The following LGALS12 variants were observed in gnomAD, a reference collection of about 807,000 sequenced individuals.
LGALS12 encodes galectin-12.
LGALS12 carries 36 observed loss-of-function variants against 36.8 expected under a neutral mutation model. The ratio of observed to expected loss-of-function variants is 0.98; its 90% CI spans 0.75 to 1.29. The LOEUF (loss-of-function observed/expected upper bound fraction) is 1.29. LGALS12 is among the 50% of genes most tolerant of loss of function. The pLI is 0.00. For synonymous variants in LGALS12, 145 were observed against 155.9 expected (o/e 0.93, Z 0.52); for missense variants, 366 against 394.3 (o/e 0.93, Z 0.61).
At chr11:63,506,996 A>G (rs1211124424) in intron 1 of LGALS12, among the ~76,000 whole-genome samples, 1 of 152,216 alleles carries the variant, frequency 6.6e-6, no homozygotes, top group Non-Finnish European at 1.5e-5. Flanking sequence ...AATGATTTAC[A>G]GAAGGCTGAA....
At position 63,516,745 on chromosome 11, in the gene LGALS12, G is replaced by A; in HGVS notation, c.*352G>A. ...TATTCTTTATTATTTATTTATTTGT[G>A]GTCAAATAAATAAATAAGGTTATTT... On this transcript the variant is annotated 3_prime_UTR_variant, in exon 9 of 9. Coordinates refer to ENST00000394618, the MANE Select transcript of LGALS12 (RefSeq NM_033101.4). The A allele has an allele frequency of 8.4e-6, 2 of 238,642 alleles. No homozygotes were observed. Among genetic ancestry groups the A allele is most frequent in the Non-Finnish European group, 1.6e-5 (2 of 121,846 alleles). 14.8% of individuals were successfully genotyped at this position (238,642 alleles called of 1,614,324 possible). A position where few individuals can be genotyped will look rare whatever the true frequency, so the allele number is the denominator to read the frequency against.
chr11:63,510,993 T>G, intron 5 of LGALS12, 86 bp from the exon 6 acceptor site: 1 of 1,395,708 alleles, frequency 7.2e-7, no homozygotes, highest in Non-Finnish European at 1.0e-6. Context: ...GCCCCAAATA[T>G]TCCCAATTTG....
chr11:63,509,068 C>T (rs757040006), intron 3 of LGALS12, 77 bp downstream of exon 3: 21 of 1,151,682 alleles, frequency 1.8e-5, no homozygotes, highest in South Asian at 6.7e-5. Flanking sequence ...AGACTCCCCA[C>T]GACACAATGT....
chr11:63,510,840 A>G (rs2016897623), intron 5 of LGALS12, among the ~76,000 whole-genome samples: 1 of 152,180 alleles, frequency 6.6e-6, no homozygotes, highest in South Asian at 2.1e-4. Flanking sequence ...GATGAGGCCC[A>G]TGTACTGCCC....
At chr11:63,511,690 A>G (rs1391522078) in intron 6 of LGALS12, 62 bp from the exon 7 acceptor site, 1 of 1,226,222 alleles carries the variant, frequency 8.2e-7, no homozygotes, top group African/African-American at 1.5e-5. Context: ...GCCCCCGGGG[A>G]TGGGCGGTCC....
intron 3 of LGALS12, 136 bp downstream of exon 3, chr11:63,509,127 A>C: frequency 1.3e-6 from 1 of 742,348 alleles, no homozygotes; most frequent in Non-Finnish European, 2.2e-6. Context: ...AGGAGCTGCC[A>C]TGCCCGGTTC....
At chr11:63,509,960 C>T (rs570449201) in intron 4 of LGALS12, 63 bp downstream of exon 4, 403 of 1,565,922 alleles carry the variant, frequency 2.6e-4, no homozygotes, top group Non-Finnish European at 3.1e-4. Flanking sequence ...GACTCCTGGA[C>T]GGGCCTGGGA....
In LGALS12 at chr11:63,516,462, C is replaced by G. The variant is rs1324084764; in HGVS notation, c.*69C>G. 2 of 1,571,940 alleles carry G rather than the reference C, an allele frequency of 1.3e-6. No homozygotes were observed. The highest frequency in any genetic ancestry group is 2.2e-5 in the East Asian group (1 of 44,580). On this transcript the variant is annotated 3_prime_UTR_variant, in exon 9 of 9. Coordinates refer to ENST00000394618, the MANE Select transcript of LGALS12 (RefSeq NM_033101.4). ...CCACTCCCAGGGCCCCACTCTCCTC[C>G]CCTCATTAAACCATCCACCTGACAC...
chr11:63,508,234 G>A, intron 1 of LGALS12: 1 of 1,207,538 alleles, frequency 8.3e-7, no homozygotes, highest in South Asian at 1.9e-5. Flanking sequence ...GACATCTAGT[G>A]GATGGCAAGC....
chr11:63,507,388 GT>G (rs2016772288), intron 1 of LGALS12, among the ~76,000 whole-genome samples: 2 of 152,182 alleles, frequency 1.3e-5, no homozygotes, highest in Non-Finnish European at 2.9e-5. Flanking sequence ...CCACTGGTAT[GT>G]ACCTGCCATC....
chr11:63,511,923 C>A, intron 7 of LGALS12, 83 bp downstream of exon 7: 1 of 904,444 alleles, frequency 1.1e-6, no homozygotes, highest in Admixed American at 1.7e-5. Context: ...CTCTTTTAAT[C>A]TCCTAGCACC....
At chr11:63,512,788 CAAA>C (rs35347135) in intron 7 of LGALS12, among the ~76,000 whole-genome samples, 8 of 111,372 alleles carry the variant, frequency 7.2e-5, no homozygotes, top group Non-Finnish European at 3.8e-5. Flanking sequence ...GACTCCATCT[CAAA>C]AAAAAAAAAA....
At chr11:63,513,093 C>T (rs2016977188) in intron 7 of LGALS12, among the ~76,000 whole-genome samples, 1 of 152,198 alleles carries the variant, frequency 6.6e-6, no homozygotes, top group Admixed American at 6.5e-5. Context: ...ACAGGCATGA[C>T]TGAGTTGGAT....
intron 8 of LGALS12, 48 bp from the exon 9 acceptor site, chr11:63,516,199 G>C: frequency 6.6e-7 from 1 of 1,523,202 alleles, no homozygotes. Context: ...GGCAGACAAG[G>C]GAAAGTCTGG....
chr11:63,512,877 C>T (rs1212098511), intron 7 of LGALS12, among the ~76,000 whole-genome samples: 1 of 151,862 alleles, frequency 6.6e-6, no homozygotes, highest in East Asian at 1.9e-4. Flanking sequence ...TGGTAAGTGT[C>T]CACAAATGTG....
chr11:63,508,378 G>C, intron 1 of LGALS12, 175 bp from the exon 2 acceptor site: 2 of 1,440,620 alleles, frequency 1.4e-6, no homozygotes, highest in Non-Finnish European at 1.8e-6. Flanking sequence ...GTCCAGGAAA[G>C]GGGATTAGGT....
intron 5 of LGALS12, among the ~76,000 whole-genome samples, chr11:63,510,793 A>G (rs2016895562): frequency 6.6e-6 from 1 of 152,240 alleles, no homozygotes; most frequent in South Asian, 2.1e-4. Context: ...CCACCTCTGC[A>G]AGGTGGCTGG....
chr11:63,509,920 C>T (rs1442637736), intron 4 of LGALS12, 23 bp downstream of exon 4: 17 of 1,610,432 alleles, frequency 1.1e-5, no homozygotes, highest in Non-Finnish European at 1.4e-5. Flanking sequence ...GGGACCAAGG[C>T]CTGGGCAGTG....
rs2016827042 is a variant in LGALS12, at chr11:63,508,841, C to T, written c.222C>T (p.Phe74=). ...LCPRPDIAFH[F]NPRFHTTKPH... ...CCCGGCCAGATATCGCCTTCCACTTCAACCCTCGCTTCCATACCACCAAGC... is the reference window on the plus strand; with the variant it reads ...CCCGGCCAGATATCGCCTTCCACTTTAACCCTCGCTTCCATACCACCAAGC... The change falls in exon 3 of 9, where the codon TTC becomes TTT. Residue 74 remains phenylalanine (F), a synonymous_variant. Transcript: ENST00000394618. 6.2e-7 allele frequency: 1 copy of T among 1,614,236 alleles called. No individual in the cohort carries two copies. Among genetic ancestry groups the T allele is most frequent in the East Asian group, 2.2e-5 (1 of 44,886 alleles).
Sources: allele counts gnomAD v4.1 joint callset (sites outside exome capture counted in the v4.1 genomes callset), GRCh38; gene constraint gnomAD v4.1.1; transcripts MANE v1.5; gene names NCBI Gene and HGNC (gene_info 2026-07-23, HGNC 2026-07-21).